Variants in SRFBP1 observed in about 807,000 individuals in gnomAD.
The protein encoded by SRFBP1 is serum response factor binding protein 1, also known as serum response factor-binding protein 1.
In SRFBP1, 47 loss-of-function variants were observed where a neutral mutation model predicts 45.5. The observed-to-expected ratio is 1.03, with a 90% CI of 0.82 to 1.32. SRFBP1 has a LOEUF of 1.32. SRFBP1 is among the 40% of genes most tolerant of loss of function. The pLI, the probability that SRFBP1 is intolerant of heterozygous loss-of-function variation, is 0.00. For synonymous variants in SRFBP1, 203 were observed against 166.3 expected (o/e 1.22, Z -1.70); for missense variants, 621 against 484.6 (o/e 1.28, Z -2.64).
At chr5:122,077,072 C>G (rs887481956), downstream of SRFBP1, 2 of 1,585,346 alleles carry the variant, frequency 1.3e-6, no homozygotes, top group African/African-American at 2.7e-5. This position sits in a 1 kb window ranked among gnomAD's most constrained non-coding sequence, Gnocchi z 4.9. Context: ...CCCTACCCCT[C>G]TAGGTCCCTT....
chr5:122,003,744 G>T (rs112583391), intron 4 of SRFBP1, among the ~76,000 whole-genome samples: 1 of 152,060 alleles, frequency 6.6e-6, no homozygotes, highest in Admixed American at 6.5e-5. Context: ...CTTTTTTGTA[G>T]TAGCCATTCT....
At chr5:122,072,097 C>T (rs1455571564) in intron 2 of SRFBP1, among the ~76,000 whole-genome samples, 1 of 152,160 alleles carries the variant, frequency 6.6e-6, no homozygotes, top group African/African-American at 2.4e-5. Flanking sequence ...GTTATTACTT[C>T]TACTACTACC....
intron 2 of SRFBP1, among the ~76,000 whole-genome samples, chr5:122,039,562 C>G (rs76165211): frequency 0.011 from 1,669 of 152,214 alleles, 34 homozygotes; most frequent in African/African-American, 0.038. Flanking sequence ...TTCACCTTCC[C>G]CACAAAACTT....
chr5:122,042,881 TC>T (rs1384344867), intron 2 of SRFBP1, among the ~76,000 whole-genome samples: 1 of 152,200 alleles, frequency 6.6e-6, no homozygotes, highest in African/African-American at 2.4e-5. Context: ...TAAATGAATC[TC>T]ATTCTATAGG....
intron 1 of SRFBP1, 36 bp from the exon 2 acceptor site, chr5:121,974,160 G>A (rs775174304): frequency 9.7e-6 from 14 of 1,441,630 alleles, no homozygotes; most frequent in Non-Finnish European, 1.4e-5. Flanking sequence ...CCTGAAGTAA[G>A]TGCCTTTCTT....
At chr5:122,048,802 A>G (rs968409471) in intron 2 of SRFBP1, among the ~76,000 whole-genome samples, 2 of 152,174 alleles carry the variant, frequency 1.3e-5, no homozygotes, top group East Asian at 1.9e-4. Flanking sequence ...GAATTTATCC[A>G]TTTCTTCTAG....
At chr5:122,016,114 G>A (rs990979014) in intron 4 of SRFBP1, among the ~76,000 whole-genome samples, 39 of 152,116 alleles carry the variant, frequency 2.6e-4, no homozygotes, top group Non-Finnish European at 5.1e-4. Flanking sequence ...TGTCTTATCT[G>A]TAGTGTAACA....
chr5:122,051,116 A>G (rs1753965565), intron 2 of SRFBP1, among the ~76,000 whole-genome samples: 1 of 152,068 alleles, frequency 6.6e-6, no homozygotes, highest in East Asian at 1.9e-4. Flanking sequence ...TTCTGAGAGT[A>G]TGGTTAGTAT....
At chr5:121,986,557 A>G (rs1752523200) in intron 3 of SRFBP1, among the ~76,000 whole-genome samples, 1 of 152,028 alleles carries the variant, frequency 6.6e-6, no homozygotes, top group South Asian at 2.1e-4. Context: ...CAACAAATAC[A>G]TGATCAATGT....
intron 4 of SRFBP1, among the ~76,000 whole-genome samples, chr5:122,016,513 T>G (rs933752831): frequency 1.3e-5 from 2 of 152,222 alleles, no homozygotes; most frequent in Admixed American, 6.5e-5. Flanking sequence ...TGACTTGTTT[T>G]ATTATCTGAA....
At chr5:122,035,431 ACTT>A (rs941547873) in intron 2 of SRFBP1, among the ~76,000 whole-genome samples, 45 of 152,254 alleles carry the variant, frequency 3.0e-4, no homozygotes, top group Non-Finnish European at 5.3e-4. Flanking sequence ...TTAATCAAAT[ACTT>A]CTTACCTTTA....
At chr5:122,063,648 A>G (rs1315000243) in intron 2 of SRFBP1, 1 of 151,908 alleles carries the variant, frequency 6.6e-6, no homozygotes, top group Admixed American at 6.6e-5. Context: ...ATATGTATAT[A>G]TAGAAAAAAG....
At chr5:122,031,014 G>A (rs1367295714), downstream of SRFBP1, among the ~76,000 whole-genome samples, 1 of 152,158 alleles carries the variant, frequency 6.6e-6, no homozygotes, top group East Asian at 1.9e-4. Context: ...GGCTGACCTT[G>A]AGGCACTGCA....
At chr5:122,077,066 A>AC (rs1754659694), downstream of SRFBP1, 2 of 1,591,408 alleles carry the variant, frequency 1.3e-6, no homozygotes, top group African/African-American at 2.7e-5. This position sits in a 1 kb window ranked among gnomAD's most constrained non-coding sequence, Gnocchi z 4.9. Flanking sequence ...CCAACTCCCT[A>AC]CCCCTCTAGG....
chr5:122,024,980 CTT>C (rs1170193945), intron 7 of SRFBP1, among the ~76,000 whole-genome samples: 1 of 151,800 alleles, frequency 6.6e-6, no homozygotes, highest in East Asian at 1.9e-4. Context: ...TATTATTACA[CTT>C]TAAGTTTTAG....
intron 2 of SRFBP1, among the ~76,000 whole-genome samples, chr5:122,043,887 G>A (rs1034287278): frequency 1.1e-4 from 16 of 152,180 alleles, no homozygotes; most frequent in Middle Eastern, 3.4e-3. Flanking sequence ...AGGGGTGGAT[G>A]TGCAGGTTTG....
At chr5:122,021,341 A>G (rs1753317895) in intron 6 of SRFBP1, among the ~76,000 whole-genome samples, 1 of 152,204 alleles carries the variant, frequency 6.6e-6, no homozygotes, top group Non-Finnish European at 1.5e-5. Flanking sequence ...GTTATAAAAC[A>G]GTAAGTTTAA....
At chr5:122,077,591 G>C, downstream of SRFBP1, 2 of 1,612,662 alleles carry the variant, frequency 1.2e-6, no homozygotes. The surrounding 1 kb of genome is among the most constrained non-coding windows in gnomAD (Gnocchi z 4.9). Context: ...GCGGGCTCTA[G>C]ATGTCGAGTA....
chr5:122,060,018 T>G (rs1754146122), intron 2 of SRFBP1, among the ~76,000 whole-genome samples: 1 of 152,104 alleles, frequency 6.6e-6, no homozygotes, highest in African/African-American at 2.4e-5. Flanking sequence ...AGAAGGAACT[T>G]GGATCTTCTC....
Sources: allele counts gnomAD v4.1 joint callset (sites outside exome capture counted in the v4.1 genomes callset), GRCh38; gene constraint gnomAD v4.1.1; non-coding constraint Gnocchi (gnomAD v3.1); transcripts MANE v1.5; gene names NCBI Gene and HGNC (gene_info 2026-07-23, HGNC 2026-07-21).